REV3L: variants seen among roughly 807,000 people sequenced by gnomAD.
The protein encoded by REV3L is REV3 like, DNA directed polymerase zeta catalytic subunit.
REV3L carries 69 observed loss-of-function variants against 299.4 expected under a neutral mutation model. The ratio of observed to expected loss-of-function variants is 0.23; its 90% CI spans 0.19 to 0.28. The LOEUF is 0.28. REV3L is among the 10% of genes least tolerant of loss of function. The pLI is 1.00. For missense variants in REV3L, 3,128 were observed against 3,693.8 expected (o/e 0.85, Z 3.97); for synonymous variants, 1,238 against 1,271.4 (o/e 0.97, Z 0.56).
At chr6:111,441,255 C>T (rs1162100826) in intron 1 of REV3L, among the ~76,000 whole-genome samples, 2 of 151,886 alleles carry the variant, frequency 1.3e-5, no homozygotes, top group African/African-American at 2.4e-5. Flanking sequence ...TTGTTGTTGT[C>T]GTCATTGTTG....
intron 1 of REV3L, among the ~76,000 whole-genome samples, chr6:111,438,903 C>T (rs1787909807): frequency 6.7e-6 from 1 of 150,100 alleles, no homozygotes; most frequent in South Asian, 2.2e-4. Context: ...GTCAGTGGAG[C>T]AACATCTTTA....
chr6:111,304,029 T>A (rs1368819993), intron 31 of REV3L, among the ~76,000 whole-genome samples: 2 of 152,162 alleles, frequency 1.3e-5, no homozygotes, highest in African/African-American at 4.8e-5. Context: ...CAGATATTTT[T>A]AAAACATTCT....
intron 1 of REV3L, chr6:111,460,252 C>T (rs969787388): frequency 3.9e-5 from 6 of 151,980 alleles, no homozygotes; most frequent in Admixed American, 3.3e-4. Flanking sequence ...AACAAACAGA[C>T]ACTGGAGAAT....
intron 1 of REV3L, among the ~76,000 whole-genome samples, chr6:111,438,147 G>C (rs1436740649): frequency 6.6e-6 from 1 of 151,904 alleles, no homozygotes; most frequent in African/African-American, 2.4e-5. Flanking sequence ...AAAGTGCTGG[G>C]ATTACAGGCA....
At chr6:111,442,004 G>C (rs1329486019) in intron 1 of REV3L, among the ~76,000 whole-genome samples, 2 of 152,240 alleles carry the variant, frequency 1.3e-5, no homozygotes, top group African/African-American at 2.4e-5. Context: ...CCACTTAGGT[G>C]AAACAGGAAG....
chr6:111,323,316 C>G (rs750594348), intron 25 of REV3L, among the ~76,000 whole-genome samples: 14 of 152,144 alleles, frequency 9.2e-5, no homozygotes, highest in Non-Finnish European at 1.6e-4. Flanking sequence ...GCCCTTACAA[C>G]TCATCAGGCA....
intron 31 of REV3L, among the ~76,000 whole-genome samples, chr6:111,300,982 CTCT>C (rs1347671212): frequency 2.6e-5 from 4 of 152,186 alleles, no homozygotes; most frequent in African/African-American, 9.7e-5. Context: ...AGTCATATTT[CTCT>C]TCTTTCAGAA....
chr6:111,321,823 T>G (rs890421209), intron 26 of REV3L, among the ~76,000 whole-genome samples: 1 of 152,244 alleles, frequency 6.6e-6, no homozygotes, highest in Non-Finnish European at 1.5e-5. Context: ...ATGATCACAC[T>G]GTGACTCTAC....
At position 111,419,473 on chromosome 6, in the gene REV3L, C is replaced by T. The variant is rs1163896543; in HGVS notation, c.140-3001G>A. Among the ~76,000 whole-genome samples the T allele has an allele frequency of 3.9e-5, 6 of 152,130 alleles. No homozygotes were observed. The East Asian group carries it at 1.2e-3, about 29-fold the overall frequency. ...AGATACAGACCACTTCTATTTATTT[C>T]CCTCCGCTAGCTCTACCTCACACAA... On this transcript the variant is annotated intron_variant, in intron 1 of 31. Transcript: ENST00000368802.
At chr6:111,420,137 G>A (rs532951823) in intron 1 of REV3L, among the ~76,000 whole-genome samples, 40 of 152,246 alleles carry the variant, frequency 2.6e-4, no homozygotes, top group Non-Finnish European at 4.4e-4. Context: ...GAGCCACCGC[G>A]CCCGGCCATT....
intron 29 of REV3L, 23 bp from the exon 30 acceptor site, chr6:111,310,122 A>T: frequency 6.6e-7 from 1 of 1,508,832 alleles, no homozygotes. Context: ...AAAGAAAAAA[A>T]CCACACCCAA....
chr6:111,322,702 A>G lies in REV3L; in HGVS notation c.8242-24T>C, dbSNP rs200898100. ...ACCTGTTGGTACAAACACATTGGAA[A>G]TAATTTCTTAACATAGCTCAGTATA... On this transcript the variant is annotated intron_variant, in intron 25 of 31. Coordinates refer to ENST00000368802, the MANE Select transcript of REV3L (RefSeq NM_001372078.1). 21 of 1,561,538 alleles carry G rather than the reference A, an allele frequency of 1.3e-5. No homozygotes were observed. The African/African-American group carries it at 2.0e-4, about 15-fold the overall frequency.
chr6:111,303,360 A>G (rs552513278), intron 31 of REV3L, among the ~76,000 whole-genome samples: 107 of 139,546 alleles, frequency 7.7e-4, no homozygotes, highest in Middle Eastern at 4.1e-3. Flanking sequence ...AATTTTTATT[A>G]TTTTATTTTT....
intron 1 of REV3L, 83 bp from the exon 2 acceptor site, chr6:111,416,555 C>T (rs1301459010): frequency 1.8e-6 from 2 of 1,117,030 alleles, no homozygotes; most frequent in African/African-American, 1.6e-5. Context: ...TTTAAATGTT[C>T]TAATGGCAAC....
In REV3L at chr6:111,377,738, A is replaced by G. The variant is rs1205079493; in HGVS notation, c.1560T>C (p.Ser520=). 5.0e-6 allele frequency: 8 copies of G among 1,613,958 alleles called. No individual in the cohort carries two copies. Among genetic ancestry groups the G allele is most frequent in the Admixed American group, 1.7e-5 (1 of 59,998 alleles). Residue 520 remains serine (S), a synonymous_variant, in exon 12 of 32, where the codon TCT becomes TCC. Coordinates refer to ENST00000368802, the MANE Select transcript of REV3L (RefSeq NM_001372078.1). ...CTGCAGTTCCATCTAACTGAGGTATAGAAAGACTGGCTAGAAGCAAACTGT... is the reference window on the plus strand; with the variant it reads ...CTGCAGTTCCATCTAACTGAGGTATGGAAAGACTGGCTAGAAGCAAACTGT... ...SDNSLLLASL[S]IPQLDGTADE...
intron 1 of REV3L, among the ~76,000 whole-genome samples, chr6:111,438,392 G>C (rs1787847033): frequency 6.6e-6 from 1 of 150,748 alleles, no homozygotes; most frequent in South Asian, 2.1e-4. Flanking sequence ...ACTAAATATA[G>C]TATTTTTATT....
At position 111,372,764 on chromosome 6, in the gene REV3L, T is replaced by C. The variant is rs1433180525; in HGVS notation, c.5591A>G (p.Gln1864Arg). 1.2e-6 allele frequency: 2 copies of C among 1,612,492 alleles called. No individual in the cohort carries two copies. The highest frequency in any genetic ancestry group is 1.7e-5 in the Admixed American group (1 of 59,834). The change falls in exon 13 of 32, where the codon CAA (glutamine) becomes CGA (arginine). Residue 1864 changes from glutamine to arginine, a missense_variant. Around this residue, in one of 9 missense-constraint regions of REV3L, gnomAD observed 2,409 missense variants for 2,611.8 expected, o/e 0.92. Coordinates refer to ENST00000368802, the MANE Select transcript of REV3L (RefSeq NM_001372078.1). ...SSPRSTSSPS[Q>R]SKNGSFTPRT... ...AGGGGTGAAGCTGCCATTTTTAGAT[T>C]GTGAAGGAGAGCTAGTAGATCTTGG...
chr6:111,309,808 A>C (rs2114717855), intron 30 of REV3L, 45 bp downstream of exon 30: 1 of 1,574,932 alleles, frequency 6.3e-7, no homozygotes, highest in African/African-American at 1.4e-5. Flanking sequence ...ATTTGGAGTG[A>C]AATCTCTCCA....
In REV3L at chr6:111,400,544, C is replaced by T. The variant is rs1782980788; in HGVS notation, c.565+4926G>A. Among the ~76,000 whole-genome samples, 3 of 152,030 alleles carry T rather than the reference C, an allele frequency of 2.0e-5. No homozygotes were observed. In the South Asian group the frequency reaches 6.2e-4, roughly 32 times the overall value. ...CTTATATCTTCTTTAGGTCTTTTGA[C>T]CATTTTTAATTGGACTGTTTGCTTT... On this transcript the variant is annotated intron_variant, in intron 4 of 31. Transcript: ENST00000368802.
Sources: allele counts gnomAD v4.1 joint callset (sites outside exome capture counted in the v4.1 genomes callset), GRCh38; gene constraint gnomAD v4.1.1; regional missense constraint gnomAD v4.1.1; transcripts MANE v1.5; gene names NCBI Gene and HGNC (gene_info 2026-07-23, HGNC 2026-07-21).